Variants in KIF15 observed in about 807,000 individuals in gnomAD.
The protein encoded by KIF15 is kinesin family member 15, also known as kinesin-like protein KIF15.
KIF15 carries 140 observed loss-of-function variants against 190.6 expected under a neutral mutation model. That is an observed-to-expected ratio of 0.73 (90% CI 0.64 to 0.84). KIF15 has a LOEUF of 0.84. Among genes scored for constraint, KIF15 ranks in the 40% least tolerant of loss-of-function variants. The probability of loss-of-function intolerance (pLI) is 0.00; values close to 1 mark genes in which losing one functional copy is unlikely to be tolerated. For missense variants in KIF15, 1,372 were observed against 1,584.4 expected (o/e 0.87, Z 2.28); for synonymous variants, 528 against 551.3 (o/e 0.96, Z 0.59).
chr3:44,841,410 T>G (rs796089308), intron 29 of KIF15, among the ~76,000 whole-genome samples, 172 bp downstream of exon 29: 7 of 151,884 alleles, frequency 4.6e-5, no homozygotes, highest in African/African-American at 1.4e-4. Flanking sequence ...TTTTTGTTTT[T>G]TTTTTGAGAC....
At chr3:44,820,984 C>T (rs1452675799) in intron 20 of KIF15, among the ~76,000 whole-genome samples, 1 of 148,006 alleles carries the variant, frequency 6.8e-6, no homozygotes, top group Non-Finnish European at 1.5e-5. Context: ...AGGGGGCTGA[C>T]CCCCCCACCT....
At chr3:44,822,871 C>T (rs1697424278) in intron 20 of KIF15, among the ~76,000 whole-genome samples, 1 of 152,110 alleles carries the variant, frequency 6.6e-6, no homozygotes, top group Non-Finnish European at 1.5e-5. Context: ...CATTTAAGGT[C>T]TTCTCTACAC....
intron 26 of KIF15, among the ~76,000 whole-genome samples, chr3:44,832,708 A>G (rs547702642): frequency 3.7e-4 from 56 of 152,290 alleles, no homozygotes; most frequent in African/African-American, 1.3e-3. Context: ...AGCTGCTAAC[A>G]CACATAAGAT....
chr3:44,798,858 AG>A (rs910806600), intron 10 of KIF15, among the ~76,000 whole-genome samples: 6 of 152,198 alleles, frequency 3.9e-5, no homozygotes, highest in African/African-American at 1.4e-4. Context: ...GAGATCTCAC[AG>A]GTTCAGGGCT....
chr3:44,778,161 T>C lies in KIF15; in HGVS notation c.293T>C (p.Met98Thr). The change falls in exon 4 of 35, where the codon ATG becomes ACG. Residue 98 changes from methionine (M) to threonine (T), a missense_variant. By Grantham distance (81) the Met-to-Thr change is moderately conservative. Coordinates refer to ENST00000326047, the MANE Select transcript of KIF15 (RefSeq NM_020242.3). ...GCTAAAAGCATTGTGGAGTCTTGCA[T>C]GAGCGGTTATAATGGTACCATCTTT... ...TVAKSIVESC[M>T]SGYNGTIFAY... 2 of 1,613,986 alleles carry C rather than the reference T, an allele frequency of 1.2e-6. No homozygotes were observed. Among genetic ancestry groups the C allele is most frequent in the East Asian group, 2.2e-5 (1 of 44,880 alleles).
rs1176135926 is a variant in KIF15, at chr3:44,861,935, G to A, written c.*59+9141G>A. 4.9e-6 allele frequency: 7 copies of A among 1,428,050 alleles called. No individual in the cohort carries two copies. In the South Asian group the frequency reaches 8.5e-5, roughly 17 times the overall value. 88.5% of individuals were successfully genotyped at this position (1,428,050 alleles called of 1,614,324 possible). On this transcript the variant is annotated intron_variant and NMD_transcript_variant, in intron 6 of 6. Coordinates refer to the KIF15 transcript ENST00000422209. Reference sequence around the variant, plus strand: ...GTGTCAGCAGGCAACATGGCCGAGAGGCCGGGGCCTCCGGGCGGCGCCGTG... The same window carrying A: ...GTGTCAGCAGGCAACATGGCCGAGAAGCCGGGGCCTCCGGGCGGCGCCGTG...
chr3:44,813,437 A>G (rs1040288608), intron 19 of KIF15, among the ~76,000 whole-genome samples: 2 of 152,142 alleles, frequency 1.3e-5, no homozygotes, highest in East Asian at 3.8e-4. Context: ...TTTGTTTTTG[A>G]CACAGACTCT....
Position 44,826,142 on chromosome 3 carries a change from C to T in KIF15, c.2653C>T (p.Leu885Phe). The T allele has an allele frequency of 6.3e-7, 1 of 1,578,736 alleles. No homozygotes were observed. The change falls in exon 21 of 35, where the codon CTC becomes TTC. Residue 885 changes from leucine to phenylalanine, a missense_variant. By Grantham distance (22) the Leu-to-Phe change is conservative. Coordinates refer to ENST00000326047, the MANE Select transcript of KIF15 (RefSeq NM_020242.3). ...KFEIDQLSRN[L>F]QNFKKENETL... ...TGAGATTGACCAACTTTCAAGAAAC[C>T]TCCAAAACTTCAAAAAAGAAAATGA...
At chr3:44,842,040 G>C (rs1028295016) in intron 29 of KIF15, among the ~76,000 whole-genome samples, 1 of 152,114 alleles carries the variant, frequency 6.6e-6, no homozygotes, top group Non-Finnish European at 1.5e-5. Flanking sequence ...ATCTTTGTCC[G>C]TTTAATAGCT....
intron 7 of KIF15, among the ~76,000 whole-genome samples, chr3:44,788,924 T>G (rs1222898764): frequency 6.6e-6 from 1 of 152,244 alleles, no homozygotes; most frequent in African/African-American, 2.4e-5. Flanking sequence ...TTATTTCTTC[T>G]TGGGTCAGTG....
At position 44,852,853 on chromosome 3, in the gene KIF15, G is replaced by A. The variant is rs1575696468; in HGVS notation, c.*118G>A. The A allele has an allele frequency of 1.4e-6, 1 of 734,770 alleles. No individual in the cohort carries two copies. Among genetic ancestry groups the A allele is most frequent in the East Asian group, 2.9e-5 (1 of 34,274 alleles). 45.5% of individuals were successfully genotyped at this position (734,770 alleles called of 1,614,324 possible). Reference sequence around the variant, plus strand: ...AATTTATGGACCTTAATTATTAAATGTTTATAAGGTGGTGGTAACCACCTC... The same window carrying A: ...AATTTATGGACCTTAATTATTAAATATTTATAAGGTGGTGGTAACCACCTC... On this transcript the variant is annotated 3_prime_UTR_variant, in exon 35 of 35. Transcript: ENST00000326047.
rs527272183 is a variant in KIF15 at position 44,818,471 on chromosome 3, G to A, written c.2549+3395G>A. Among the ~76,000 whole-genome samples the A allele has an allele frequency of 2.4e-4, 36 of 151,912 alleles. No homozygotes were observed. In the South Asian group the frequency reaches 5.8e-3, roughly 25 times the overall value. ...GCATGAAGTGCTGTTGAATTTTGTC[G>A]AAGGCCTTTTCTGCATCTATTGAGA... On this transcript the variant is annotated intron_variant, in intron 20 of 34. Coordinates refer to ENST00000326047, the MANE Select transcript of KIF15 (RefSeq NM_020242.3).
rs186099738 is a variant in KIF15 at position 44,830,071 on chromosome 3, T to C, written c.3044T>C (p.Ile1015Thr). The stretch of plus-strand genomic sequence containing the variant: ...ACCCTGAAACAAGAACTGAAGGACA[T>C]AAATGTAAGTTCGGTCACCAACAAG... ...IDTLKQELKD[I>T]NCKYNSALVD... The change falls in exon 25 of 35, where the codon ATA (isoleucine) becomes ACA (threonine). Residue 1015 changes from isoleucine (I) to threonine (T), a missense_variant. By Grantham distance (89) the Ile-to-Thr change is moderately conservative. Transcript: ENST00000326047. 1 of 1,559,658 alleles carries C rather than the reference T, an allele frequency of 6.4e-7. No homozygotes were observed. The highest frequency in any genetic ancestry group is 1.2e-5 in the South Asian group (1 of 85,594).
At chr3:44,786,290 C>A in intron 6 of KIF15, 105 bp from the exon 7 acceptor site, 1 of 846,628 alleles carries the variant, frequency 1.2e-6, no homozygotes, top group Non-Finnish European at 1.8e-6. Flanking sequence ...AGGATAATAG[C>A]ATAGGAAATT....
At chr3:44,852,476 A>G in intron 34 of KIF15, 137 bp downstream of exon 34, 2 of 884,552 alleles carry the variant, frequency 2.3e-6, no homozygotes, top group Non-Finnish European at 3.3e-6. Context: ...AAAAAAAAAA[A>G]GTTGGTCGTT....
In KIF15 at chr3:44,800,403, A is replaced by G. The variant is rs1477051777; in HGVS notation, c.1188A>G (p.Ser396=). 1.2e-6 allele frequency: 2 copies of G among 1,614,096 alleles called. No individual in the cohort carries two copies. Among genetic ancestry groups the G allele is most frequent in the Non-Finnish European group, 1.7e-6 (2 of 1,180,038 alleles). The change falls in exon 11 of 35, where the codon TCA becomes TCG. Residue 396 remains serine (S), a synonymous_variant. Transcript: ENST00000326047. Reference sequence around the variant, plus strand: ...AAGAACAACTGGCGGAGCTTGCTTCAGGACAGACACCACCAGAAAGCTTCC... The same window carrying G: ...AAGAACAACTGGCGGAGCTTGCTTCGGGACAGACACCACCAGAAAGCTTCC... ...RLKEQLAELA[S]GQTPPESFLT...
chr3:44,846,531 GA>G (rs1479957190), intron 30 of KIF15, among the ~76,000 whole-genome samples: 1 of 151,912 alleles, frequency 6.6e-6, no homozygotes, highest in Non-Finnish European at 1.5e-5. Context: ...CCAGCACTTT[GA>G]GAGGCCGAGG....
Position 44,828,344 on chromosome 3 carries a change from A to C in KIF15, c.2943+44A>C, listed in dbSNP as rs373044386. 1.0e-5 allele frequency: 14 copies of C among 1,373,788 alleles called. No homozygotes were observed. In the African/African-American group the frequency reaches 2.0e-4, roughly 20 times the overall value. 85.1% of individuals were successfully genotyped at this position (1,373,788 alleles called of 1,614,324 possible). On this transcript the variant is annotated intron_variant, in intron 24 of 34. Coordinates refer to ENST00000326047, the MANE Select transcript of KIF15 (RefSeq NM_020242.3). ...TACATCTCTCTGTGCATTTTCTTATAAATGCTAGTTTAACATTTTGTTCTC... is the reference window on the plus strand; with the variant it reads ...TACATCTCTCTGTGCATTTTCTTATCAATGCTAGTTTAACATTTTGTTCTC...
intron 1 of KIF15, among the ~76,000 whole-genome samples, chr3:44,770,604 A>G (rs1382150979): frequency 6.6e-6 from 1 of 152,208 alleles, no homozygotes; most frequent in Non-Finnish European, 1.5e-5. Flanking sequence ...CCTTAAAAGG[A>G]AGCATACCCT....
Sources: gnomAD v4.1 joint callset for allele counts (sites outside exome capture counted in the v4.1 genomes callset) on GRCh38, gnomAD v4.1.1 for gene constraint, MANE v1.5 for transcripts, NCBI Gene and HGNC (gene_info 2026-07-23, HGNC 2026-07-21) for gene names.